EXOC4: variants seen among roughly 807,000 people sequenced by gnomAD.
The protein encoded by EXOC4 is exocyst complex component 4.
EXOC4 carries 71 observed loss-of-function variants against 107.2 expected under a neutral mutation model. The observed-to-expected ratio is 0.66, with a 90% CI of 0.55 to 0.81. The LOEUF (loss-of-function observed/expected upper bound fraction) is 0.81, where lower values mean the gene tolerates loss of function less well. EXOC4 is among the 30% of genes least tolerant of loss of function. The pLI is 0.00. For missense variants in EXOC4, 1,108 were observed against 1,189.6 expected (o/e 0.93, Z 1.01); for synonymous variants, 456 against 441.2 (o/e 1.03, Z -0.42).
chr7:133,253,242 C>A, intron 1 of EXOC4, 55 bp downstream of exon 1: 1 of 1,587,878 alleles, frequency 6.3e-7, no homozygotes, highest in Non-Finnish European at 8.6e-7. Context: ...TCGACCTCCG[C>A]TTTGGAAGGG....
chr7:133,348,124 A>G (rs1221892631), intron 5 of EXOC4, among the ~76,000 whole-genome samples: 1 of 152,158 alleles, frequency 6.6e-6, no homozygotes, highest in Non-Finnish European at 1.5e-5. Context: ...CTTTTTTCAT[A>G]AAGCACCAAT....
At chr7:133,268,483 C>A (rs550176011) in intron 1 of EXOC4, among the ~76,000 whole-genome samples, 1 of 152,224 alleles carries the variant, frequency 6.6e-6, no homozygotes, top group East Asian at 1.9e-4. Flanking sequence ...TCTTTAAGAA[C>A]AATACTGACT....
intron 11 of EXOC4, among the ~76,000 whole-genome samples, chr7:133,885,521 G>T (rs1372477848): frequency 2.6e-5 from 4 of 152,132 alleles, no homozygotes; most frequent in Non-Finnish European, 1.5e-5. Context: ...AGATAGGAAG[G>T]CACAGTCACT....
At chr7:134,003,797 G>A (rs886626827) in intron 15 of EXOC4, among the ~76,000 whole-genome samples, 27 of 151,866 alleles carry the variant, frequency 1.8e-4, no homozygotes, top group African/African-American at 5.3e-4. Context: ...CTGCATGTAG[G>A]GCAGAATTTG....
chr7:133,569,892 G>A (rs116877253), intron 9 of EXOC4, among the ~76,000 whole-genome samples: 1 of 152,230 alleles, frequency 6.6e-6, no homozygotes, highest in East Asian at 1.9e-4. Flanking sequence ...CTCTGTCACC[G>A]TTGGAATATG....
intron 13 of EXOC4, among the ~76,000 whole-genome samples, chr7:133,930,259 A>G (rs1585256564): frequency 6.6e-6 from 1 of 152,216 alleles, no homozygotes; most frequent in East Asian, 1.9e-4. Context: ...GCATACCTAC[A>G]GAAGTCCTAG....
chr7:133,496,810 A>G (rs1799486068), intron 9 of EXOC4, among the ~76,000 whole-genome samples: 1 of 152,088 alleles, frequency 6.6e-6, no homozygotes, highest in African/African-American at 2.4e-5. Flanking sequence ...ATTCTGACAG[A>G]CTGTCACTCT....
At chr7:133,904,689 C>A (rs1291729264) in intron 12 of EXOC4, among the ~76,000 whole-genome samples, 2 of 152,160 alleles carry the variant, frequency 1.3e-5, no homozygotes, top group Non-Finnish European at 2.9e-5. Flanking sequence ...GAAAAGTATT[C>A]TTTGAGGCTT....
At chr7:133,427,333 G>A (rs1797749529) in intron 7 of EXOC4, among the ~76,000 whole-genome samples, 1 of 152,110 alleles carries the variant, frequency 6.6e-6, no homozygotes, top group Admixed American at 6.5e-5. Flanking sequence ...CTGTCTGTAT[G>A]CTAAGGCTCA....
At chr7:133,309,012 T>C (rs991989224) in intron 4 of EXOC4, among the ~76,000 whole-genome samples, 2 of 152,214 alleles carry the variant, frequency 1.3e-5, no homozygotes, top group Non-Finnish European at 2.9e-5. Context: ...CCAATTAAAC[T>C]GGTATGCTCA....
chr7:133,567,091 A>G (rs914943559), intron 9 of EXOC4, among the ~76,000 whole-genome samples: 9 of 152,158 alleles, frequency 5.9e-5, no homozygotes, highest in Non-Finnish European at 1.2e-4. Context: ...TAAATAGGCA[A>G]TACATTCCCA....
chr7:133,832,290 A>G (rs1034386555), intron 11 of EXOC4, among the ~76,000 whole-genome samples: 1 of 152,212 alleles, frequency 6.6e-6, no homozygotes, highest in Non-Finnish European at 1.5e-5. Flanking sequence ...AAATCCTAGG[A>G]TTCCATGATA....
intron 16 of EXOC4, among the ~76,000 whole-genome samples, chr7:134,006,504 T>C (rs549420668): frequency 3.9e-5 from 6 of 152,298 alleles, no homozygotes; most frequent in Admixed American, 2.6e-4. Context: ...GCAATGTTGT[T>C]TGAGTGTAGC....
chr7:133,619,593 A>G lies in EXOC4; in HGVS notation c.1418-10452A>G, dbSNP rs112183575. On this transcript the variant is annotated intron_variant, in intron 9 of 17. Transcript: ENST00000253861. ...CCATACGCTTTAGGTCAGCAATGAG[A>G]TGGGCTCACCTGATTAGAGAACTTC... is the stretch of plus-strand genomic sequence containing the variant. Among the ~76,000 whole-genome samples, 488 of 152,314 alleles carry G rather than the reference A, an allele frequency of 3.2e-3. 2 individuals are homozygous for G. The highest frequency in any genetic ancestry group is 0.011 in the African/African-American group (460 of 41,580).
intron 7 of EXOC4, among the ~76,000 whole-genome samples, chr7:133,377,704 A>C (rs976932521): frequency 6.6e-6 from 1 of 152,192 alleles, no homozygotes; most frequent in Non-Finnish European, 1.5e-5. Context: ...CAAGATAAAC[A>C]CAAAGAAAAT....
At chr7:133,860,659 C>T (rs568565452) in intron 11 of EXOC4, among the ~76,000 whole-genome samples, 1 of 152,248 alleles carries the variant, frequency 6.6e-6, no homozygotes, top group East Asian at 1.9e-4. Flanking sequence ...AGAGCCAACA[C>T]ACACAAAACT....
intron 7 of EXOC4, among the ~76,000 whole-genome samples, chr7:133,417,262 G>T (rs1318216321): frequency 1.3e-5 from 2 of 152,242 alleles, no homozygotes; most frequent in Admixed American, 6.5e-5. Context: ...AAGAAAGGCA[G>T]GTTCCTGCCC....
chr7:133,874,040 A>G (rs1317750519), intron 11 of EXOC4, among the ~76,000 whole-genome samples: 1 of 152,204 alleles, frequency 6.6e-6, no homozygotes, highest in Non-Finnish European at 1.5e-5. Flanking sequence ...TTTGATAACT[A>G]AAATCTAGGA....
intron 10 of EXOC4, among the ~76,000 whole-genome samples, chr7:133,636,912 C>G (rs948501461): frequency 6.6e-6 from 1 of 152,094 alleles, no homozygotes; most frequent in African/African-American, 2.4e-5. Context: ...AGACTAGTAA[C>G]AGTCAGAACA....
Sources: allele counts gnomAD v4.1 joint callset (sites outside exome capture counted in the v4.1 genomes callset), GRCh38; gene constraint gnomAD v4.1.1; transcripts MANE v1.5; gene names NCBI Gene and HGNC (gene_info 2026-07-23, HGNC 2026-07-21).